Variants in RAB4B observed in about 807,000 individuals in gnomAD.
RAB4B encodes the protein RAB4B, member RAS oncogene family, also known as ras-related protein Rab-4B.
A neutral mutation model predicts 28.3 loss-of-function variants in RAB4B; 15 were observed. That is an observed-to-expected ratio of 0.53 (90% CI 0.35 to 0.82). The LOEUF is 0.82. Among genes scored for constraint, RAB4B ranks in the 40% least tolerant of loss-of-function variants. The pLI, the probability that RAB4B is intolerant of heterozygous loss-of-function variation, is 0.01. For synonymous variants in RAB4B, 108 were observed against 116.3 expected (o/e 0.93, Z 0.46); for missense variants, 244 against 288.5 (o/e 0.85, Z 1.12).
intron 7 of RAB4B, among the ~76,000 whole-genome samples, chr19:40,788,193 TG>T (rs1300256126): frequency 6.6e-6 from 1 of 151,902 alleles, no homozygotes; most frequent in African/African-American, 2.4e-5. Context: ...GGGAGACAGG[TG>T]ATAAACAAGA....
chr19:40,783,175 AAAAG>A (rs1254541477), intron 3 of RAB4B, among the ~76,000 whole-genome samples: 1 of 150,678 alleles, frequency 6.6e-6, no homozygotes, highest in African/African-American at 2.4e-5. Flanking sequence ...AAAAAAAAGA[AAAAG>A]GAAAAAGACA....
chr19:40,794,639 ACC>A (rs2083191057), intron 7 of RAB4B: 1 of 152,074 alleles, frequency 6.6e-6, no homozygotes. Flanking sequence ...TGATTTCCCC[ACC>A]AAGGCAGTGA....
At chr19:40,786,374 A>C in intron 5 of RAB4B, 1 of 397,096 alleles carries the variant, frequency 2.5e-6, no homozygotes, top group South Asian at 2.1e-5. Context: ...CAGGGCCAGG[A>C]TAGGGGGCCA....
At chr19:40,793,959 A>C (rs35858034) in intron 7 of RAB4B, among the ~76,000 whole-genome samples, 41,761 of 151,540 alleles carry the variant, frequency 0.28, 7,252 homozygotes, top group East Asian at 0.44. Flanking sequence ...AAAAACCAAA[A>C]CAAAACAAAA....
intron 7 of RAB4B, among the ~76,000 whole-genome samples, chr19:40,794,038 C>T (rs1272713457): frequency 6.6e-6 from 1 of 150,462 alleles, no homozygotes; most frequent in African/African-American, 2.4e-5. Flanking sequence ...CATGAGCCAC[C>T]GAGCCCAGCC....
rs779394141 is a variant in RAB4B, at chr19:40,786,943, C to T, written c.622C>T (p.Pro208Ser). The part of the protein sequence containing the change: ...RQPRSAQAVA[P>S]QPCGC Reference sequence around the variant, plus strand: ...GCCTCGGAGTGCCCAGGCCGTGGCCCCTCAGCCGTGTGGCTGCTGAGCTCT... The same window carrying T: ...GCCTCGGAGTGCCCAGGCCGTGGCCTCTCAGCCGTGTGGCTGCTGAGCTCT... The change falls in exon 7 of 8, where the codon CCT becomes TCT. Residue 208 changes from proline (P) to serine (S), a missense_variant. Transcript: ENST00000357052. The T allele has an allele frequency of 3.5e-5, 57 of 1,613,846 alleles. 1 individual carries two copies. The South Asian group carries it at 6.0e-4, about 17-fold the overall frequency.
chr19:40,790,952 T>G (rs1160907320), intron 7 of RAB4B, among the ~76,000 whole-genome samples: 1 of 150,798 alleles, frequency 6.6e-6, no homozygotes, highest in Non-Finnish European at 1.5e-5. Context: ...GCCTCCTGGG[T>G]TCAGGTGATT....
intron 3 of RAB4B, among the ~76,000 whole-genome samples, chr19:40,783,379 G>A (rs556143862): frequency 2.0e-5 from 3 of 151,758 alleles, no homozygotes; most frequent in African/African-American, 2.4e-5. Context: ...CTAGGAGGTC[G>A]AGGATGCAGT....
chr19:40,790,531 C>T (rs1400985494), intron 7 of RAB4B, among the ~76,000 whole-genome samples: 2 of 150,198 alleles, frequency 1.3e-5, no homozygotes, highest in Non-Finnish European at 1.5e-5. Context: ...TCACCATGCC[C>T]GGCTAATTTT....
chr19:40,779,079 A>G (rs2083023268), intron 1 of RAB4B: 2 of 961,792 alleles, frequency 2.1e-6, no homozygotes, highest in South Asian at 9.6e-5. Flanking sequence ...TGTCATTTTC[A>G]GGGAATAGAC....
Position 40,778,338 on chromosome 19 carries a change from G to T in RAB4B, c.-38G>T. On this transcript the variant is annotated 5_prime_UTR_variant, in exon 1 of 8. Transcript: ENST00000357052. ...CCAGCCGAGGAGCAGGCGCGGCCGCGGCGCCATATTGCGGCCCTCAGCGGC... is the reference window on the plus strand; with the variant it reads ...CCAGCCGAGGAGCAGGCGCGGCCGCTGCGCCATATTGCGGCCCTCAGCGGC... The T allele has an allele frequency of 6.7e-7, 1 of 1,492,980 alleles. No individual in the cohort carries two copies. The highest frequency in any genetic ancestry group is 1.3e-5 in the South Asian group (1 of 79,284). The allele number at this position is 1,492,980 out of a possible 1,614,324, so 92.5% of individuals were successfully genotyped here.
chr19:40,789,448 C>T (rs1378860080), intron 7 of RAB4B, among the ~76,000 whole-genome samples: 2 of 151,744 alleles, frequency 1.3e-5, no homozygotes, highest in African/African-American at 4.8e-5. Flanking sequence ...GTGATCTGCC[C>T]GCCTCAGCCT....
At chr19:40,786,546 T>C in intron 5 of RAB4B, 119 bp from the exon 6 acceptor site, 1 of 1,470,034 alleles carries the variant, frequency 6.8e-7, no homozygotes, top group Non-Finnish European at 9.2e-7. Flanking sequence ...CGCAGAGGCC[T>C]GAGGTGAGGG....
chr19:40,790,055 G>A (rs2083142589), intron 7 of RAB4B, among the ~76,000 whole-genome samples: 1 of 152,226 alleles, frequency 6.6e-6, no homozygotes, highest in Non-Finnish European at 1.5e-5. Flanking sequence ...AAGCAGATCA[G>A]TTAGGGCCTG....
intron 3 of RAB4B, among the ~76,000 whole-genome samples, chr19:40,781,030 C>G (rs768333813): frequency 5.6e-4 from 83 of 149,032 alleles, no homozygotes; most frequent in Non-Finnish European, 1.1e-3. Flanking sequence ...AATCCCAGCA[C>G]TGTGGGAGGC....
At position 40,786,779 on chromosome 19, in the gene RAB4B, C is replaced by G. The variant is rs537273871; in HGVS notation, c.526+19C>G. 7 of 1,613,964 alleles carry G rather than the reference C, an allele frequency of 4.3e-6. No homozygotes were observed. In the African/African-American group the frequency reaches 8.0e-5, roughly 18 times the overall value. ...GACTCAGGTGAGGCCCCGACCGGCC[C>G]GAGTGGGAGCGAAGGGCAGGCCCGG... On this transcript the variant is annotated intron_variant, in intron 6 of 7. Coordinates refer to ENST00000357052, the MANE Select transcript of RAB4B (RefSeq NM_016154.5).
At chr19:40,779,894 GCCTATGTCTGTTTCTCTC>G (rs1260262434) in intron 1 of RAB4B, 107 bp from the exon 2 acceptor site, 1 of 1,569,988 alleles carries the variant, frequency 6.4e-7, no homozygotes, top group Non-Finnish European at 8.6e-7. Context: ...GTTTGTTTCT[GCCTATGTCTGTTTCTCTC>G]CCTCTAACTG....
At chr19:40,792,325 A>G (rs1157028278) in intron 7 of RAB4B, 3 of 152,242 alleles carry the variant, frequency 2.0e-5, no homozygotes, top group African/African-American at 7.2e-5. Flanking sequence ...TTAATTCACG[A>G]AAGTGCTCAG....
At chr19:40,778,512 A>G (rs2083016790) in intron 1 of RAB4B, 121 bp downstream of exon 1, 2 of 1,041,238 alleles carry the variant, frequency 1.9e-6, no homozygotes, top group East Asian at 3.2e-5. Context: ...GCAGGACCTA[A>G]GTGGATGCTG....
Sources: gnomAD v4.1 joint callset for allele counts (sites outside exome capture counted in the v4.1 genomes callset) on GRCh38, gnomAD v4.1.1 for gene constraint, MANE v1.5 for transcripts, NCBI Gene and HGNC (gene_info 2026-07-23, HGNC 2026-07-21) for gene names.